AHCTF1: variants seen among roughly 807,000 people sequenced by gnomAD.
The protein encoded by AHCTF1 is protein ELYS.
Under a neutral mutation model 248.4 loss-of-function variants are expected in AHCTF1, and 24 were observed. That is an observed-to-expected ratio of 0.10 (90% CI 0.07 to 0.14). The LOEUF is 0.14. Among genes scored for constraint, AHCTF1 ranks in the 10% least tolerant of loss-of-function variants. The probability of loss-of-function intolerance (pLI) is 1.00; values close to 1 mark genes in which losing one functional copy is unlikely to be tolerated. For missense variants in AHCTF1, 2,206 were observed against 2,636.2 expected (o/e 0.84, Z 3.57); for synonymous variants, 786 against 929.8 (o/e 0.85, Z 2.81).
chr1:246,882,956 C>A (rs190953927), intron 21 of AHCTF1, among the ~76,000 whole-genome samples: 15 of 152,252 alleles, frequency 9.9e-5, no homozygotes, highest in Non-Finnish European at 2.1e-4. Context: ...AAAGTGGCAT[C>A]GTTTAGATTT....
At chr1:246,912,030 C>T (rs1665839694) in intron 4 of AHCTF1, among the ~76,000 whole-genome samples, 1 of 151,966 alleles carries the variant, frequency 6.6e-6, no homozygotes, top group Non-Finnish European at 1.5e-5. Context: ...CCTCCCGCTT[C>T]CACCACTGGC....
chr1:246,909,957 CTAGTT>C (rs1274720023), intron 4 of AHCTF1, among the ~76,000 whole-genome samples: 1 of 152,192 alleles, frequency 6.6e-6, no homozygotes, highest in Non-Finnish European at 1.5e-5. Context: ...CTGAGAACCA[CTAGTT>C]TAAAGTTGAT....
At chr1:246,894,619 A>T (rs774156282) in intron 14 of AHCTF1, 40 bp downstream of exon 14, 1 of 1,463,338 alleles carries the variant, frequency 6.8e-7, no homozygotes, top group Admixed American at 1.8e-5. Context: ...TAGTATTTTA[A>T]TATTAAATTC....
intron 24 of AHCTF1, among the ~76,000 whole-genome samples, chr1:246,875,738 A>AT (rs1662893046): frequency 6.6e-6 from 1 of 152,198 alleles, no homozygotes. Context: ...GATCCTTAGC[A>AT]TTTTTTAGCA....
intron 23 of AHCTF1, 94 bp from the exon 24 acceptor site, chr1:246,876,281 C>A (rs894644984): frequency 1.1e-4 from 126 of 1,131,940 alleles, no homozygotes; most frequent in Middle Eastern, 3.2e-4. Context: ...TATGAATATC[C>A]AAAAAATCTT....
In AHCTF1 at chr1:246,842,749, G is replaced by C. The variant is rs12410563; in HGVS notation, c.6553C>G (p.Leu2185Val). Reference protein sequence around the residue: ...LKDDAQSVETLGKPKAKRIRT... With the variant: ...LKDDAQSVETVGKPKAKRIRT... ...ATTCGTTTCGCTTTTGGCTTTCCCA[G>C]AGTTTCTACTGATTGTGCATCATCT... The change falls in exon 35 of 36, where the codon CTG becomes GTG. Residue 2185 changes from leucine to valine, a missense_variant. Leu to Val is a conservative substitution (Grantham distance 32). This residue lies in a region of AHCTF1 where 469 missense variants were observed against 470.0 expected (regional missense o/e 1.00). Transcript: ENST00000648844. The C allele has an allele frequency of 0.23, 364,307 of 1,612,090 alleles. 43,623 individuals are homozygous for C. The highest frequency in any genetic ancestry group is 0.38 in the Admixed American group (22,902 of 59,954).
At chr1:246,861,391 G>A in intron 28 of AHCTF1, 96 bp from the exon 29 acceptor site, 4 of 1,156,166 alleles carry the variant, frequency 3.5e-6, no homozygotes, top group Non-Finnish European at 4.8e-6. Flanking sequence ...TACTTTCTTT[G>A]TTGTTTTTAC....
chr1:246,905,220 C>G (rs964910282), intron 6 of AHCTF1, among the ~76,000 whole-genome samples: 1 of 152,198 alleles, frequency 6.6e-6, no homozygotes. Context: ...ATGTATCAGG[C>G]CAGTCGTGGT....
chr1:246,929,478 T>A (rs1619941), intron 1 of AHCTF1, among the ~76,000 whole-genome samples: 92,576 of 151,928 alleles, frequency 0.61, 30,922 homozygotes, highest in African/African-American at 0.9. Flanking sequence ...GAAATTTGAG[T>A]ATTTAAAAAA....
Position 246,913,293 on chromosome 1 carries a change from G to A in AHCTF1, c.495C>T (p.Ile165=). 10 of 1,613,138 alleles carry A rather than the reference G, an allele frequency of 6.2e-6. No homozygotes were observed. Among genetic ancestry groups the A allele is most frequent in the Non-Finnish European group, 8.5e-6 (10 of 1,179,424 alleles). ...CATCCAAACATAGGTCAACAAGAAG[G>A]ATCTGTCCAACATCAGTGACCACAG... is the stretch of plus-strand genomic sequence containing the variant. ...VAAVVTDVGQ[I]LLVDLCLDDL... The change falls in exon 4 of 36, where the codon ATC becomes ATT. Residue 165 remains isoleucine (I), a synonymous_variant. Transcript: ENST00000648844.
chr1:246,861,680 A>C (rs540611011), intron 28 of AHCTF1, among the ~76,000 whole-genome samples: 4 of 152,316 alleles, frequency 2.6e-5, no homozygotes, highest in Admixed American at 2.0e-4. Context: ...GGAGGTTTGA[A>C]TCCTACTCCC....
chr1:246,931,437 G>GC, intron 1 of AHCTF1, 141 bp downstream of exon 1: 1 of 1,375,502 alleles, frequency 7.3e-7, no homozygotes, highest in East Asian at 3.0e-5. Context: ...CGTTGGCCCC[G>GC]CGCACGCCCG....
chr1:246,931,324 C>T, intron 1 of AHCTF1: 2 of 1,545,866 alleles, frequency 1.3e-6, no homozygotes. Context: ...CGCTCCGCCG[C>T]CATGTGCCGC....
At chr1:246,922,919 TTTGCAGTGAGCCGAGA>T (rs1666661851) in intron 1 of AHCTF1, among the ~76,000 whole-genome samples, 1 of 135,398 alleles carries the variant, frequency 7.4e-6, no homozygotes, top group African/African-American at 2.8e-5. Flanking sequence ...GGAGGCGGAG[TTTGCAGTGAGCCGAGA>T]TTGCACCACT....
rs1665618751 is a variant in AHCTF1 at position 246,909,189 on chromosome 1, A to C, written c.557-1431T>G. Among the ~76,000 whole-genome samples the C allele has an allele frequency of 2.0e-5, 3 of 149,384 alleles. No individual in the cohort carries two copies. The Admixed American group carries it at 2.0e-4, about 10-fold the overall frequency. ...CACTTTGGGAGGCTGAGGCAGGCAG[A>C]TCATGAAGTCAGGAGTTCAAGACCA... is the stretch of plus-strand genomic sequence containing the variant. On this transcript the variant is annotated intron_variant, in intron 4 of 35. Transcript: ENST00000648844.
At chr1:246,859,498 T>C (rs986222532) in intron 29 of AHCTF1, among the ~76,000 whole-genome samples, 1 of 152,236 alleles carries the variant, frequency 6.6e-6, no homozygotes, top group African/African-American at 2.4e-5. Flanking sequence ...CTTCAACACC[T>C]AGAATAAACA....
At chr1:246,869,093 C>G (rs546376796) in intron 24 of AHCTF1, among the ~76,000 whole-genome samples, 1 of 151,132 alleles carries the variant, frequency 6.6e-6, no homozygotes, top group East Asian at 1.9e-4. Context: ...ATCCGCCCGC[C>G]TTGGCCTCCC....
intron 1 of AHCTF1, among the ~76,000 whole-genome samples, chr1:246,924,276 T>C (rs537422924): frequency 2.0e-5 from 3 of 152,212 alleles, no homozygotes; most frequent in African/African-American, 4.8e-5. Context: ...AGTTTTCTTA[T>C]GAAATTAACT....
At chr1:246,878,767 T>C (rs1663177913) in intron 21 of AHCTF1, among the ~76,000 whole-genome samples, 1 of 152,176 alleles carries the variant, frequency 6.6e-6, no homozygotes, top group African/African-American at 2.4e-5. Flanking sequence ...GGGCCATCTG[T>C]TACTTTTGTT....
Sources: gnomAD v4.1 joint callset for allele counts (sites outside exome capture counted in the v4.1 genomes callset) on GRCh38, gnomAD v4.1.1 for gene constraint, gnomAD v4.1.1 regional missense constraint, MANE v1.5 for transcripts, NCBI Gene and HGNC (gene_info 2026-07-23, HGNC 2026-07-21) for gene names.